REV3L: variants seen among roughly 807,000 people sequenced by gnomAD.
REV3L encodes REV3 like, DNA directed polymerase zeta catalytic subunit, also known as DNA polymerase zeta catalytic subunit.
A neutral mutation model predicts 299.4 loss-of-function variants in REV3L; 69 were observed. That is an observed-to-expected ratio of 0.23 (90% CI 0.19 to 0.28). The LOEUF is 0.28. Ranked by LOEUF, REV3L falls within the 10% of genes least tolerant of loss-of-function variation. The pLI, the probability that REV3L is intolerant of heterozygous loss-of-function variation, is 1.00. For missense variants in REV3L, 3,128 were observed against 3,693.8 expected (o/e 0.85, Z 3.97); for synonymous variants, 1,238 against 1,271.4 (o/e 0.97, Z 0.56).
rs544021036 is a variant in REV3L, at chr6:111,336,270, A to G, written c.7539-660T>C. Among the ~76,000 whole-genome samples the G allele has an allele frequency of 7.2e-5, 11 of 152,148 alleles. No individual in the cohort carries two copies. In the South Asian group the frequency reaches 2.3e-3, roughly 32 times the overall value. ...AACCCTCAGCAAATCCATAAAAAGAATTTTAATATTATAAGATGTAAAAAT... is the reference window on the plus strand; with the variant it reads ...AACCCTCAGCAAATCCATAAAAAGAGTTTTAATATTATAAGATGTAAAAAT... On this transcript the variant is annotated intron_variant, in intron 21 of 31. Transcript: ENST00000368802.
chr6:111,369,083 A>G (rs1779514504), intron 13 of REV3L, among the ~76,000 whole-genome samples: 1 of 152,126 alleles, frequency 6.6e-6, no homozygotes, highest in South Asian at 2.1e-4. Flanking sequence ...TGTTGAAGGA[A>G]ATGAATACAC....
chr6:111,422,687 T>TATAC (rs1785701861), intron 1 of REV3L, among the ~76,000 whole-genome samples: 1 of 124,790 alleles, frequency 8.0e-6, no homozygotes, highest in African/African-American at 2.7e-5. Flanking sequence ...TACGTATATA[T>TATAC]ATATATATAT....
chr6:111,437,548 A>G (rs1214008216), intron 1 of REV3L, among the ~76,000 whole-genome samples: 1 of 151,440 alleles, frequency 6.6e-6, no homozygotes, highest in Admixed American at 6.6e-5. Context: ...TTTATATTAT[A>G]TAGAGAAAAA....
At chr6:111,369,281 C>CA (rs71021838) in intron 13 of REV3L, among the ~76,000 whole-genome samples, 5,142 of 67,496 alleles carry the variant, frequency 0.076, 232 homozygotes, top group Middle Eastern at 0.082. Context: ...GACTCTGTCT[C>CA]AAAAAAAAAA....
Position 111,387,788 on chromosome 6 carries a change from T to A in REV3L, c.1073A>T (p.His358Leu), listed in dbSNP as rs754380930. ...ACCTTTGCTTGACTCTTTGTCTTTGTGAACTTCTACCATATTGGCTGGTGT... is the reference window on the plus strand; with the variant it reads ...ACCTTTGCTTGACTCTTTGTCTTTGAGAACTTCTACCATATTGGCTGGTGT... ...QCTPANMVEV[H>L]KDKESSKGHT... Residue 358 changes from histidine (H) to leucine (L), a missense_variant, in exon 9 of 32, where the codon CAC (histidine) becomes CTC (leucine). This residue lies in a region of REV3L where 2,409 missense variants were observed against 2,611.8 expected (regional missense o/e 0.92). Coordinates refer to ENST00000368802, the MANE Select transcript of REV3L (RefSeq NM_001372078.1). 1 of 1,614,002 alleles carries A rather than the reference T, an allele frequency of 6.2e-7. No homozygotes were observed. The highest frequency in any genetic ancestry group is 1.7e-5 in the Admixed American group (1 of 60,006).
intron 1 of REV3L, among the ~76,000 whole-genome samples, chr6:111,420,366 T>A (rs1785195154): frequency 6.6e-6 from 1 of 152,214 alleles, no homozygotes; most frequent in Admixed American, 6.5e-5. Flanking sequence ...TATTTTGTGG[T>A]AAGAGCATTT....
chr6:111,385,728 A>G (rs1477859996), intron 9 of REV3L, among the ~76,000 whole-genome samples: 2 of 152,146 alleles, frequency 1.3e-5, no homozygotes, highest in South Asian at 2.1e-4. Context: ...TATAACTGAT[A>G]AAGACTTAAT....
intron 4 of REV3L, among the ~76,000 whole-genome samples, chr6:111,398,408 CAT>C (rs1235922610): frequency 9.9e-5 from 15 of 151,456 alleles, no homozygotes; most frequent in African/African-American, 2.9e-4. Flanking sequence ...CTCTTTTACC[CAT>C]GTGGGGGGAA....
At chr6:111,333,436 T>C in intron 22 of REV3L, 69 bp from the exon 23 acceptor site, 2 of 1,546,190 alleles carry the variant, frequency 1.3e-6, no homozygotes, top group Non-Finnish European at 1.8e-6. Context: ...GAATATATAA[T>C]CATTTGAGGA....
intron 1 of REV3L, among the ~76,000 whole-genome samples, chr6:111,475,629 T>C (rs1231342283): frequency 1.3e-5 from 2 of 152,324 alleles, no homozygotes; most frequent in East Asian, 1.9e-4. Flanking sequence ...TTCATATGAA[T>C]TCTCTTTGCT....
chr6:111,457,552 A>C (rs1015610624), intron 1 of REV3L, among the ~76,000 whole-genome samples: 1 of 151,630 alleles, frequency 6.6e-6, no homozygotes, highest in Non-Finnish European at 1.5e-5. Flanking sequence ...ATGTCTCTAA[A>C]ATATAGCTTC....
chr6:111,354,782 A>G (rs1777927817), intron 18 of REV3L, among the ~76,000 whole-genome samples: 1 of 152,158 alleles, frequency 6.6e-6, no homozygotes, highest in African/African-American at 2.4e-5. Flanking sequence ...AAACAACCCA[A>G]AACTGTGGAT....
At chr6:111,468,392 T>TG (rs1377034072) in intron 1 of REV3L, among the ~76,000 whole-genome samples, 5 of 152,160 alleles carry the variant, frequency 3.3e-5, no homozygotes, top group Non-Finnish European at 5.9e-5. Context: ...CAGATGGAGA[T>TG]GAACTTTACT....
Position 111,329,591 on chromosome 6 carries a change from C to T in REV3L, c.8182G>A (p.Ala2728Thr). Residue 2728 changes from alanine (A) to threonine (T), a missense_variant, in exon 25 of 32, where the codon GCA becomes ACA. Around this residue, in one of 9 missense-constraint regions of REV3L, gnomAD observed 53 missense variants for 57.4 expected, o/e 0.92. Coordinates refer to ENST00000368802, the MANE Select transcript of REV3L (RefSeq NM_001372078.1). Reference protein sequence around the residue: ...DARQLGLKLIANVTFGYTSAN... With the variant: ...DARQLGLKLITNVTFGYTSAN... ...GATGTATAGCCAAATGTGACATTTGCTATCAGCTTAAGTCCCAACTGACGC... is the reference window on the plus strand; with the variant it reads ...GATGTATAGCCAAATGTGACATTTGTTATCAGCTTAAGTCCCAACTGACGC... 1 of 1,614,128 alleles carries T rather than the reference C, an allele frequency of 6.2e-7. No individual in the cohort carries two copies. Among genetic ancestry groups the T allele is most frequent in the Non-Finnish European group, 8.5e-7 (1 of 1,180,028 alleles).
intron 4 of REV3L, among the ~76,000 whole-genome samples, chr6:111,396,287 A>G (rs547116969): frequency 6.6e-6 from 1 of 152,018 alleles, no homozygotes; most frequent in Non-Finnish European, 1.5e-5. Context: ...TCAGCCTTCC[A>G]AAGTTCTGGG....
At chr6:111,405,176 T>G (rs1158029018) in intron 4 of REV3L, among the ~76,000 whole-genome samples, 5 of 151,986 alleles carry the variant, frequency 3.3e-5, no homozygotes, top group Non-Finnish European at 5.9e-5. Context: ...TTTGCAGTGG[T>G]CTAGAACTAA....
At chr6:111,320,357 C>T (rs572585504) in intron 26 of REV3L, among the ~76,000 whole-genome samples, 2 of 152,292 alleles carry the variant, frequency 1.3e-5, no homozygotes, top group African/African-American at 2.4e-5. Context: ...TGAGCCACTG[C>T]GCCCAGCCAG....
rs142322963 is a variant in REV3L, at chr6:111,349,278, C to G, written c.7359G>C (p.Met2453Ile). 8.1e-6 allele frequency: 13 copies of G among 1,609,248 alleles called. No homozygotes were observed. The highest frequency in any genetic ancestry group is 2.7e-5 in the African/African-American group (2 of 74,838). ...TTCGGCCAACAATATTTATCTCACT[C>G]ATTGTATATGATCCATACTCATCTC... Reference protein sequence around the residue: ...AERDEYGSYTMSEINIVGRIT... With the variant: ...AERDEYGSYTISEINIVGRIT... The change falls in exon 20 of 32, where the codon ATG (methionine) becomes ATC (isoleucine). Residue 2453 changes from methionine (M) to isoleucine (I), a missense_variant. Transcript: ENST00000368802.
intron 4 of REV3L, among the ~76,000 whole-genome samples, chr6:111,400,305 C>A (rs1782956570): frequency 1.3e-5 from 2 of 152,192 alleles, no homozygotes; most frequent in Admixed American, 1.3e-4. Flanking sequence ...TTCTGAGAAA[C>A]TATCTGTCTT....
Sources: allele counts gnomAD v4.1 joint callset (sites outside exome capture counted in the v4.1 genomes callset), GRCh38; gene constraint gnomAD v4.1.1; regional missense constraint gnomAD v4.1.1; transcripts MANE v1.5; gene names NCBI Gene and HGNC (gene_info 2026-07-23, HGNC 2026-07-21).